Variants in NRG3 observed in about 807,000 individuals in gnomAD.
NRG3 encodes pro-neuregulin-3, membrane-bound isoform.
NRG3 carries 31 observed loss-of-function variants against 66.9 expected under a neutral mutation model. The observed-to-expected ratio is 0.46, with a 90% CI of 0.35 to 0.63. NRG3 has a LOEUF of 0.63. Among genes scored for constraint, NRG3 ranks in the 20% least tolerant of loss-of-function variants. The pLI is 0.00. For synonymous variants in NRG3, 393 were observed against 359.4 expected (o/e 1.09, Z -1.06); for missense variants, 910 against 878.9 (o/e 1.04, Z -0.45).
chr10:82,486,976 C>T (rs1842735386), intron 2 of NRG3, among the ~76,000 whole-genome samples: 2 of 151,800 alleles, frequency 1.3e-5, no homozygotes, highest in South Asian at 4.2e-4. Context: ...TTATAAAGAT[C>T]TTCTGTAAAC....
intron 2 of NRG3, among the ~76,000 whole-genome samples, chr10:82,501,209 C>A (rs1276816578): frequency 6.6e-6 from 1 of 152,048 alleles, no homozygotes; most frequent in African/African-American, 2.4e-5. Context: ...GGGTGGAAAT[C>A]TAAGCACGGC....
At chr10:82,364,768 C>G (rs1160833305) in intron 2 of NRG3, among the ~76,000 whole-genome samples, 4 of 152,188 alleles carry the variant, frequency 2.6e-5, no homozygotes, top group Non-Finnish European at 5.9e-5. Context: ...GGAAATCAGC[C>G]AAGCAATTCG....
chr10:82,046,103 A>G (rs2063280982), intron 1 of NRG3, among the ~76,000 whole-genome samples: 1 of 143,378 alleles, frequency 7.0e-6, no homozygotes, highest in Non-Finnish European at 1.5e-5. Flanking sequence ...AATTCTGTGA[A>G]GAAAGTCATT....
At chr10:82,523,761 A>G (rs1209398030) in intron 2 of NRG3, among the ~76,000 whole-genome samples, 2 of 152,110 alleles carry the variant, frequency 1.3e-5, no homozygotes, top group Non-Finnish European at 2.9e-5. Flanking sequence ...AGTCTCCATA[A>G]GGTATTTTCC....
intron 2 of NRG3, among the ~76,000 whole-genome samples, chr10:82,606,233 T>G (rs2047952537): frequency 6.6e-6 from 1 of 152,172 alleles, no homozygotes; most frequent in African/African-American, 2.4e-5. Flanking sequence ...GAATTTTTGT[T>G]TAGTTCAAAA....
intron 4 of NRG3, among the ~76,000 whole-genome samples, chr10:82,875,636 G>A (rs1163625379): frequency 1.3e-5 from 2 of 152,158 alleles, no homozygotes; most frequent in Non-Finnish European, 2.9e-5. Context: ...AGGATTACAG[G>A]CGTGAGCCAA....
At chr10:81,898,072 A>C (rs1358495231) in intron 1 of NRG3, among the ~76,000 whole-genome samples, 1 of 152,158 alleles carries the variant, frequency 6.6e-6, no homozygotes, top group African/African-American at 2.4e-5. Flanking sequence ...ACATGTGGCC[A>C]GGGTTGTGGG....
intron 1 of NRG3, among the ~76,000 whole-genome samples, chr10:81,940,511 G>A (rs1442512232): frequency 6.6e-6 from 1 of 151,930 alleles, no homozygotes; most frequent in Non-Finnish European, 1.5e-5. Flanking sequence ...ATGCTCAGCT[G>A]ATGGTTTATT....
chr10:82,678,845 T>G (rs978299548), intron 2 of NRG3, among the ~76,000 whole-genome samples: 1 of 152,166 alleles, frequency 6.6e-6, no homozygotes, highest in East Asian at 1.9e-4. Context: ...AGAAGAGTGT[T>G]GACAGGATAA....
In NRG3 at chr10:82,578,882, A is replaced by G. The variant is rs907795088; in HGVS notation, c.954-159695A>G. Among the ~76,000 whole-genome samples, 25 of 151,936 alleles carry G rather than the reference A, an allele frequency of 1.6e-4. 1 individual carries two copies. The highest frequency in any genetic ancestry group is 1.5e-5 in the Non-Finnish European group (1 of 67,900). On this transcript the variant is annotated intron_variant, in intron 2 of 8. Coordinates refer to ENST00000372141, the MANE Select transcript of NRG3 (RefSeq NM_001010848.4). ...AAAATAGTAACTCTATCTTTGTTCA[A>G]ATTAACTTATTCTACTTAATTCAGT...
At chr10:81,922,863 C>T (rs2132888236) in intron 1 of NRG3, among the ~76,000 whole-genome samples, 1 of 152,228 alleles carries the variant, frequency 6.6e-6, no homozygotes, top group East Asian at 1.9e-4. Flanking sequence ...TTAAAAAGAG[C>T]CTCAGGAACA....
At chr10:81,932,605 A>T (rs1382269519) in intron 1 of NRG3, among the ~76,000 whole-genome samples, 1 of 152,180 alleles carries the variant, frequency 6.6e-6, no homozygotes, top group Non-Finnish European at 1.5e-5. Flanking sequence ...TCTGAAATGT[A>T]CTCTGCAGGT....
At chr10:82,733,898 G>A (rs965675037) in intron 2 of NRG3, among the ~76,000 whole-genome samples, 1 of 152,226 alleles carries the variant, frequency 6.6e-6, no homozygotes, top group African/African-American at 2.4e-5. Context: ...GATGAGAATT[G>A]CAGAGATGGG....
At chr10:81,998,849 G>A (rs967756875) in intron 1 of NRG3, among the ~76,000 whole-genome samples, 2 of 152,130 alleles carry the variant, frequency 1.3e-5, no homozygotes, top group African/African-American at 4.8e-5. Flanking sequence ...GTGTGTGTGT[G>A]TCTGTTGCCC....
rs555589686 is a variant in NRG3 at position 82,083,648 on chromosome 10, C to A, written c.823+207485C>A. 1.6e-4 allele frequency among the ~76,000 whole-genome samples: 24 copies of A among 148,934 alleles called. No homozygotes were observed. The East Asian group carries it at 4.8e-3, about 30-fold the overall frequency. On this transcript the variant is annotated intron_variant, in intron 1 of 8. Transcript: ENST00000372141. ...GTTTCGCTCTTGTCCAGGCTGGAGT[C>A]CAATGGTGCGATCTCGGCCCACCAC...
At chr10:82,605,213 T>G (rs1283709774) in intron 2 of NRG3, among the ~76,000 whole-genome samples, 1 of 152,116 alleles carries the variant, frequency 6.6e-6, no homozygotes, top group Non-Finnish European at 1.5e-5. Flanking sequence ...TGAGAAAGTG[T>G]ACCTCTAGTA....
chr10:82,496,930 A>G (rs1329958691), intron 2 of NRG3, among the ~76,000 whole-genome samples: 2 of 152,170 alleles, frequency 1.3e-5, no homozygotes, highest in Non-Finnish European at 2.9e-5. Flanking sequence ...TGATTTTCAT[A>G]TTTAATATCT....
In NRG3 at chr10:82,033,684, G is replaced by T. The variant is rs79927082; in HGVS notation, c.823+157521G>T. 9.9e-3 allele frequency among the ~76,000 whole-genome samples: 1,501 copies of T among 152,196 alleles called. 21 individuals carry two copies. Among genetic ancestry groups the T allele is most frequent in the Non-Finnish European group, 0.012 (846 of 67,992 alleles). The stretch of plus-strand genomic sequence containing the variant: ...GTATGCTTGTGTCAAATTTACATGA[G>T]CATGTGTGATAGGAAAACATTTGTC... On this transcript the variant is annotated intron_variant, in intron 1 of 8. Transcript: ENST00000372141.
chr10:82,056,004 G>A (rs561445180), intron 1 of NRG3, among the ~76,000 whole-genome samples: 6 of 152,252 alleles, frequency 3.9e-5, no homozygotes, highest in Admixed American at 2.0e-4. Flanking sequence ...AATGGAAAAC[G>A]GAAATCTTCC....
Sources: gnomAD v4.1 joint callset for allele counts (sites outside exome capture counted in the v4.1 genomes callset) on GRCh38, gnomAD v4.1.1 for gene constraint, MANE v1.5 for transcripts, NCBI Gene and HGNC (gene_info 2026-07-23, HGNC 2026-07-21) for gene names.